CSMD1: variants seen among roughly 807,000 people sequenced by gnomAD.
CSMD1 encodes CUB and Sushi multiple domains 1.
Under a neutral mutation model 417.5 loss-of-function variants are expected in CSMD1, and 213 were observed. The observed-to-expected ratio is 0.51, with a 90% CI of 0.46 to 0.57. The LOEUF (loss-of-function observed/expected upper bound fraction) is 0.57. CSMD1 is among the 20% of genes least tolerant of loss of function. CSMD1 has a pLI of 0.00. For synonymous variants in CSMD1, 2,862 were observed against 1,736.8 expected (o/e 1.65, Z -16.11); for missense variants, 6,923 against 4,529.7 (o/e 1.53, Z -15.17).
At chr8:4,577,470 C>G (rs1799192527) in intron 2 of CSMD1, among the ~76,000 whole-genome samples, 1 of 152,166 alleles carries the variant, frequency 6.6e-6, no homozygotes, top group Non-Finnish European at 1.5e-5. Context: ...GCGTGCTCCC[C>G]TCCTTCCTCT....
chr8:3,108,255 C>T (rs976779284), intron 44 of CSMD1, among the ~76,000 whole-genome samples: 1 of 152,118 alleles, frequency 6.6e-6, no homozygotes, highest in Admixed American at 6.6e-5. Context: ...TGGAGGTTTG[C>T]TTTCACACCA....
intron 5 of CSMD1, among the ~76,000 whole-genome samples, chr8:3,942,904 CTTT>C (rs745399545): frequency 6.6e-6 from 1 of 151,890 alleles, no homozygotes; most frequent in Non-Finnish European, 1.5e-5. Flanking sequence ...CATTGTGATA[CTTT>C]TTTTTGTCTT....
chr8:3,192,937 G>A (rs1401833086), intron 33 of CSMD1, among the ~76,000 whole-genome samples: 2 of 148,354 alleles, frequency 1.3e-5, no homozygotes, highest in Non-Finnish European at 1.5e-5. Flanking sequence ...ATGGCATGAA[G>A]AAAAAAAAAA....
intron 7 of CSMD1, among the ~76,000 whole-genome samples, chr8:3,628,964 A>C (rs1290765843): frequency 6.6e-6 from 1 of 152,176 alleles, no homozygotes; most frequent in African/African-American, 2.4e-5. Context: ...AGAATAAAAG[A>C]TAAAGAAGGG....
intron 69 of CSMD1, 58 bp from the exon 70 acceptor site, chr8:2,938,802 C>T (rs931086117): frequency 6.7e-7 from 1 of 1,486,814 alleles, no homozygotes; most frequent in Non-Finnish European, 9.2e-7. Flanking sequence ...GATTTAGCAG[C>T]TGGGACTGTG....
At chr8:4,588,879 TGGCATTAAAA>T (rs1461528128) in intron 2 of CSMD1, among the ~76,000 whole-genome samples, 1 of 152,094 alleles carries the variant, frequency 6.6e-6, no homozygotes, top group Admixed American at 6.6e-5. Context: ...GAATGTGATG[TGGCATTAAAA>T]ACACTCCAGG....
intron 10 of CSMD1, among the ~76,000 whole-genome samples, chr8:3,526,378 G>C (rs947220206): frequency 3.3e-5 from 5 of 151,896 alleles, no homozygotes; most frequent in Non-Finnish European, 7.4e-5. Flanking sequence ...GAGTAATAAC[G>C]TCTTCTTCAA....
chr8:3,374,212 G>C (rs554341132), intron 18 of CSMD1, among the ~76,000 whole-genome samples: 39 of 152,170 alleles, frequency 2.6e-4, no homozygotes. Flanking sequence ...CCCCGCCTCA[G>C]CCTCCCAATG....
chr8:4,130,449 T>C (rs11774739), intron 3 of CSMD1, among the ~76,000 whole-genome samples: 25,898 of 152,114 alleles, frequency 0.17, 2,352 homozygotes, highest in Middle Eastern at 0.24. Context: ...CAAAAATTTC[T>C]GGTTCTGCCA....
intron 8 of CSMD1, among the ~76,000 whole-genome samples, chr8:3,601,064 G>C (rs141820888): frequency 2.6e-5 from 4 of 152,262 alleles, no homozygotes; most frequent in African/African-American, 9.6e-5. Context: ...TATCGTGGCA[G>C]CAAGCTTGAT....
At position 4,932,825 on chromosome 8, in the gene CSMD1, G is replaced by A. The variant is rs148536300; in HGVS notation, c.85+61507C>T. On this transcript the variant is annotated intron_variant, in intron 1 of 69. Coordinates refer to ENST00000635120, the MANE Select transcript of CSMD1 (RefSeq NM_033225.6). Reference sequence around the variant, plus strand: ...TTTTACCCCTTCCCTGTGCTCCCTGGTTCAAATTTTCAACTACAGGTCCTG... The same window carrying A: ...TTTTACCCCTTCCCTGTGCTCCCTGATTCAAATTTTCAACTACAGGTCCTG... Among the ~76,000 whole-genome samples the A allele has an allele frequency of 1.5e-3, 222 of 152,186 alleles. 7 individuals carry two copies. In the East Asian group the frequency reaches 0.017, roughly 12 times the overall value.
Position 4,983,776 on chromosome 8 carries a change from A to G in CSMD1, c.85+10556T>C, listed in dbSNP as rs377034604. ...CCTACAGTTTCCTACATCATGACTA[A>G]TAATTTTTAAACATAGTAACTGACA... On this transcript the variant is annotated intron_variant, in intron 1 of 69. Coordinates refer to ENST00000635120, the MANE Select transcript of CSMD1 (RefSeq NM_033225.6). 5.3e-5 allele frequency among the ~76,000 whole-genome samples: 8 copies of G among 152,078 alleles called. No homozygotes were observed. The South Asian group carries it at 1.4e-3, about 28-fold the overall frequency.
Position 3,387,510 on chromosome 8 carries a change from G to A in CSMD1, c.2766C>T (p.Ala922=), listed in dbSNP as rs746797973. Residue 922 remains alanine (A), a synonymous_variant, in exon 18 of 70, where the codon GCC becomes GCT. Coordinates refer to ENST00000635120, the MANE Select transcript of CSMD1 (RefSeq NM_033225.6). ...TGTACCTACCGTCGCAGCTGGGCAA[G>A]GCGTGGTTCCACTGGTGGTTCCTCT... ...VCERNHQWNH[A]LPSCDALCGG... is the part of the protein sequence containing the mutation. The A allele has an allele frequency of 6.2e-7, 1 of 1,601,218 alleles. No homozygotes were observed. Among genetic ancestry groups the A allele is most frequent in the African/African-American group, 1.3e-5 (1 of 74,818 alleles).
chr8:3,943,412 T>G (rs948743671), intron 5 of CSMD1, among the ~76,000 whole-genome samples: 2 of 83,830 alleles, frequency 2.4e-5, no homozygotes, highest in African/African-American at 1.1e-4. Flanking sequence ...TATAAGTTGT[T>G]TTTTTTTCAT....
chr8:3,679,347 A>T (rs1350004853), intron 7 of CSMD1, among the ~76,000 whole-genome samples: 1 of 152,176 alleles, frequency 6.6e-6, no homozygotes, highest in African/African-American at 2.4e-5. Flanking sequence ...AAGATCTACC[A>T]AGCAAATGGA....
intron 12 of CSMD1, among the ~76,000 whole-genome samples, chr8:3,419,976 A>G (rs1454374425): frequency 6.6e-6 from 1 of 152,170 alleles, no homozygotes; most frequent in East Asian, 1.9e-4. Context: ...CTAATTGTGG[A>G]TAATAATCGT....
chr8:3,402,299 T>G (rs1812083062), intron 15 of CSMD1, among the ~76,000 whole-genome samples: 1 of 152,200 alleles, frequency 6.6e-6, no homozygotes, highest in Non-Finnish European at 1.5e-5. Context: ...TACGCACATT[T>G]TATACTTTTT....
chr8:3,159,001 C>T lies in CSMD1; in HGVS notation c.5845-1035G>A, dbSNP rs138583428. Among the ~76,000 whole-genome samples, 140 of 152,220 alleles carry T rather than the reference C, an allele frequency of 9.2e-4. 1 individual carries two copies. Among genetic ancestry groups the T allele is most frequent in the African/African-American group, 3.2e-3 (135 of 41,542 alleles). On this transcript the variant is annotated intron_variant, in intron 38 of 69. Transcript: ENST00000635120. Reference sequence around the variant, plus strand: ...CTGCCACAAAACTAACTTTCTCATACCTCTTGATATTTTTAAAAGTAGTTA... The same window carrying T: ...CTGCCACAAAACTAACTTTCTCATATCTCTTGATATTTTTAAAAGTAGTTA...
At chr8:3,594,368 G>C (rs911424398) in intron 8 of CSMD1, among the ~76,000 whole-genome samples, 4 of 152,036 alleles carry the variant, frequency 2.6e-5, no homozygotes, top group African/African-American at 9.7e-5. Flanking sequence ...ACTTATGCTG[G>C]AAACTGAAAT....
Sources: gnomAD v4.1 joint callset for allele counts (sites outside exome capture counted in the v4.1 genomes callset) on GRCh38, gnomAD v4.1.1 for gene constraint, MANE v1.5 for transcripts, NCBI Gene and HGNC (gene_info 2026-07-23, HGNC 2026-07-21) for gene names.